FHIT: variants seen among roughly 807,000 people sequenced by gnomAD.
The protein encoded by FHIT is fragile histidine triad diadenosine triphosphatase.
FHIT carries 19 observed loss-of-function variants against 17.9 expected under a neutral mutation model. That is an observed-to-expected ratio of 1.06 (90% confidence interval 0.74 to 1.56). The LOEUF is 1.56. Ranked by LOEUF, FHIT falls within the 40% of genes most tolerant of loss-of-function variation. FHIT has a pLI of 0.00. For synonymous variants in FHIT, 81 were observed against 69.7 expected (o/e 1.16, Z -0.81); for missense variants, 248 against 189.2 (o/e 1.31, Z -1.82).
At chr3:60,589,023 C>T (rs797038069) in intron 4 of FHIT, among the ~76,000 whole-genome samples, 15 of 152,104 alleles carry the variant, frequency 9.9e-5, no homozygotes, top group Middle Eastern at 3.4e-3. Flanking sequence ...AAAGACTCCT[C>T]GTTGGAGCCT....
intron 5 of FHIT, among the ~76,000 whole-genome samples, chr3:60,533,721 A>G (rs2035872288): frequency 6.6e-6 from 1 of 152,196 alleles, no homozygotes; most frequent in Non-Finnish European, 1.5e-5. Flanking sequence ...AAGGGATAGT[A>G]CAACACATAT....
At chr3:61,129,890 G>T (rs1443158018) in intron 2 of FHIT, among the ~76,000 whole-genome samples, 1 of 152,124 alleles carries the variant, frequency 6.6e-6, no homozygotes, top group African/African-American at 2.4e-5. Context: ...TCATTCAAAA[G>T]AAATTTATAT....
At chr3:60,782,548 T>C (rs1559718167) in intron 4 of FHIT, among the ~76,000 whole-genome samples, 1 of 152,086 alleles carries the variant, frequency 6.6e-6, no homozygotes, top group Non-Finnish European at 1.5e-5. Flanking sequence ...TAGCAACAAG[T>C]TCCTTTTCTT....
At chr3:60,029,126 T>C (rs1448967431) in intron 5 of FHIT, among the ~76,000 whole-genome samples, 1 of 152,224 alleles carries the variant, frequency 6.6e-6, no homozygotes, top group Non-Finnish European at 1.5e-5. Flanking sequence ...TAGTTCGTTT[T>C]TTACTTCTTT....
chr3:61,248,863 C>G (rs1304027229), intron 1 of FHIT, among the ~76,000 whole-genome samples: 7 of 152,156 alleles, frequency 4.6e-5, no homozygotes, highest in African/African-American at 1.7e-4. Context: ...GACATGAGGG[C>G]ATGAGATGAA....
chr3:60,264,534 T>A (rs1350270387), intron 5 of FHIT, among the ~76,000 whole-genome samples: 1 of 151,984 alleles, frequency 6.6e-6, no homozygotes, highest in African/African-American at 2.4e-5. Context: ...CTGGTTCTAT[T>A]ATCTTATTTA....
intron 3 of FHIT, among the ~76,000 whole-genome samples, chr3:60,976,090 CTTTTTCT>C (rs1710224926): frequency 5.2e-5 from 3 of 58,084 alleles, no homozygotes; most frequent in African/African-American, 7.0e-5. Flanking sequence ...TTTCGTTTTT[CTTTTTCT>C]TTTTTTTTTT....
intron 8 of FHIT, among the ~76,000 whole-genome samples, chr3:59,876,306 T>C (rs1282721120): frequency 1.3e-5 from 2 of 152,192 alleles, no homozygotes; most frequent in Admixed American, 6.5e-5. Context: ...TAAATGGCAA[T>C]GTGAATTTCA....
chr3:59,753,410 T>A (rs146897736), intron 8 of FHIT, among the ~76,000 whole-genome samples: 13 of 152,326 alleles, frequency 8.5e-5, no homozygotes, highest in African/African-American at 2.9e-4. Context: ...ATAGAGTGAA[T>A]ACAATTTCAA....
chr3:61,030,855 G>A (rs569933037), intron 3 of FHIT, among the ~76,000 whole-genome samples: 1 of 152,292 alleles, frequency 6.6e-6, no homozygotes, highest in Non-Finnish European at 1.5e-5. Context: ...GGTAAAGCCT[G>A]TGCAAAAGCC....
At chr3:60,155,729 C>T (rs1163283694) in intron 5 of FHIT, among the ~76,000 whole-genome samples, 3 of 152,254 alleles carry the variant, frequency 2.0e-5, no homozygotes, top group South Asian at 2.1e-4. Flanking sequence ...AAGAATACCA[C>T]GTTGACTCCA....
chr3:60,359,240 A>G (rs1052809979), intron 5 of FHIT, among the ~76,000 whole-genome samples: 7 of 145,928 alleles, frequency 4.8e-5, no homozygotes, highest in Non-Finnish European at 1.1e-4. Flanking sequence ...AGAAAATTAG[A>G]TTTCCAAAAT....
chr3:59,920,289 G>A (rs1174591264), intron 8 of FHIT, among the ~76,000 whole-genome samples: 1 of 152,126 alleles, frequency 6.6e-6, no homozygotes, highest in South Asian at 2.1e-4. Flanking sequence ...ACATAGTCTT[G>A]TACCACAATT....
chr3:61,052,982 C>G (rs2034081649), intron 2 of FHIT, among the ~76,000 whole-genome samples: 1 of 152,114 alleles, frequency 6.6e-6, no homozygotes, highest in Non-Finnish European at 1.5e-5. Flanking sequence ...TATGATACAA[C>G]TGCTGTGGTA....
intron 9 of FHIT, chr3:59,750,154 GCAAAAACTGACAAAA>G (rs1700815994): frequency 4.4e-6 from 1 of 226,502 alleles, no homozygotes. Context: ...CAAGACAGAA[GCAAAAACTGACAAAA>G]CAAAGCCTAC....
At chr3:60,682,410 C>T (rs1429246211) in intron 4 of FHIT, among the ~76,000 whole-genome samples, 5 of 152,206 alleles carry the variant, frequency 3.3e-5, no homozygotes, top group Non-Finnish European at 5.9e-5. Context: ...TAGCTGCTAA[C>T]GCAGCTGGTG....
intron 1 of FHIT, among the ~76,000 whole-genome samples, chr3:61,210,461 G>A (rs567185287): frequency 4.3e-4 from 65 of 152,306 alleles, no homozygotes; most frequent in Admixed American, 6.5e-4. Context: ...CACCCAGAGC[G>A]AGCTTCCTGG....
At chr3:60,237,262 A>ATTTTTTTTTTTT (rs201958097) in intron 5 of FHIT, among the ~76,000 whole-genome samples, 1 of 124,850 alleles carries the variant, frequency 8.0e-6, no homozygotes, top group African/African-American at 3.0e-5. Flanking sequence ...TTGTTTTTCC[A>ATTTTTTTTTTTT]TTTTTTTTTT....
At chr3:61,119,238 A>G (rs1402205698) in intron 2 of FHIT, among the ~76,000 whole-genome samples, 2 of 150,276 alleles carry the variant, frequency 1.3e-5, no homozygotes, top group Non-Finnish European at 3.0e-5. Context: ...TTTTTTTTCG[A>G]GATGGAGTCT....
Sources: allele counts gnomAD v4.1 joint callset (sites outside exome capture counted in the v4.1 genomes callset), GRCh38; gene constraint gnomAD v4.1.1; transcripts MANE v1.5; gene names NCBI Gene and HGNC (gene_info 2026-07-23, HGNC 2026-07-21).